The following GSG1L variants were observed in gnomAD, a reference collection of about 807,000 sequenced individuals.
The protein encoded by GSG1L is GSG1 like, also known as germ cell-specific gene 1-like protein.
GSG1L carries 24 observed loss-of-function variants against 42.1 expected under a neutral mutation model. The observed-to-expected ratio is 0.57, with a 90% CI of 0.41 to 0.80. The LOEUF (loss-of-function observed/expected upper bound fraction) is 0.80, where lower values mean the gene tolerates loss of function less well. Ranked by LOEUF, GSG1L falls within the 30% of genes least tolerant of loss-of-function variation. The pLI, the probability that GSG1L is intolerant of heterozygous loss-of-function variation, is 0.00. For synonymous variants in GSG1L, 215 were observed against 203.5 expected, an observed-to-expected ratio of 1.06 and a Z score of -0.48; for missense variants, 445 against 472.2, an observed-to-expected ratio of 0.94 and a Z score of 0.53.
intron 6 of GSG1L, among the ~76,000 whole-genome samples, chr16:27,806,208 T>C (rs943803786): frequency 2.6e-5 from 4 of 152,116 alleles, no homozygotes; most frequent in Non-Finnish European, 4.4e-5. Context: ...TGTGAGCCCA[T>C]GGTTCACTTC....
intron 2 of GSG1L, among the ~76,000 whole-genome samples, chr16:27,907,148 C>T (rs557120368): frequency 2.0e-5 from 3 of 152,290 alleles, no homozygotes; most frequent in South Asian, 2.1e-4. Flanking sequence ...GTTGAAGAGG[C>T]GGTCCCTTTC....
intron 1 of GSG1L, among the ~76,000 whole-genome samples, chr16:28,050,696 C>T (rs897143191): frequency 6.6e-6 from 1 of 152,238 alleles, no homozygotes; most frequent in Non-Finnish European, 1.5e-5. Context: ...TCAAAAGTCA[C>T]AAAGAGGTTA....
rs1050354828 is a variant in GSG1L, at chr16:28,059,779, C to T, written c.349+3297G>A. On this transcript the variant is annotated intron_variant, in intron 1 of 6. Transcript: ENST00000447459. The surrounding 1 kb of genome is among the most constrained non-coding windows in gnomAD (Gnocchi z 4.4). Reference sequence around the variant, plus strand: ...GGGGTGACTCTGTGTCGAGGCCACGCTTCCCTTTCTGTTTGTGGAAGGACG... The same window carrying T: ...GGGGTGACTCTGTGTCGAGGCCACGTTTCCCTTTCTGTTTGTGGAAGGACG... Among the ~76,000 whole-genome samples the T allele has an allele frequency of 6.6e-6, 1 of 152,198 alleles. No individual in the cohort carries two copies. The highest frequency in any genetic ancestry group is 2.4e-5 in the African/African-American group (1 of 41,446).
intron 3 of GSG1L, among the ~76,000 whole-genome samples, chr16:27,857,545 C>T (rs1187185877): frequency 1.3e-5 from 2 of 152,040 alleles, no homozygotes; most frequent in African/African-American, 4.8e-5. Context: ...GGTTCAAGAC[C>T]AGCCTGGGCA....
intron 2 of GSG1L, among the ~76,000 whole-genome samples, chr16:27,937,644 A>T (rs2084733752): frequency 6.6e-6 from 1 of 152,194 alleles, no homozygotes; most frequent in Non-Finnish European, 1.5e-5. Context: ...GACCAGGGCG[A>T]TGACTGGGGA....
At chr16:27,843,894 A>C (rs189814106) in intron 4 of GSG1L, among the ~76,000 whole-genome samples, 2 of 152,352 alleles carry the variant, frequency 1.3e-5, no homozygotes, top group African/African-American at 4.8e-5. Context: ...GACTCTAGTC[A>C]ATCTTGGAGA....
intron 2 of GSG1L, among the ~76,000 whole-genome samples, chr16:27,922,370 A>G (rs544415872): frequency 6.6e-6 from 1 of 152,344 alleles, no homozygotes; most frequent in East Asian, 1.9e-4. Flanking sequence ...GGATGACCAT[A>G]TAATTATGCC....
intron 1 of GSG1L, among the ~76,000 whole-genome samples, chr16:27,975,435 C>T (rs573135894): frequency 2.0e-5 from 3 of 152,218 alleles, no homozygotes; most frequent in South Asian, 2.1e-4. Context: ...CCTGCACCTG[C>T]GTTGCTTTTC....
intron 1 of GSG1L, among the ~76,000 whole-genome samples, chr16:28,047,967 C>T (rs1401348825): frequency 6.6e-6 from 1 of 151,508 alleles, no homozygotes; most frequent in Admixed American, 6.6e-5. Context: ...GCTTGTAATC[C>T]TAGCACTTTG....
intron 1 of GSG1L, among the ~76,000 whole-genome samples, chr16:27,980,224 G>A (rs1231822816): frequency 4.6e-5 from 7 of 152,162 alleles, no homozygotes; most frequent in East Asian, 1.9e-4. Flanking sequence ...GACATTGGGC[G>A]CCCAGGTCCT....
chr16:28,015,413 A>G (rs1454042607), intron 1 of GSG1L, among the ~76,000 whole-genome samples: 2 of 152,210 alleles, frequency 1.3e-5, no homozygotes, highest in East Asian at 3.9e-4. Context: ...GCTGAGGTGG[A>G]AGGATCACTT....
At chr16:27,997,314 T>C (rs1596685879) in intron 1 of GSG1L, among the ~76,000 whole-genome samples, 3 of 126,580 alleles carry the variant, frequency 2.4e-5, no homozygotes, top group African/African-American at 8.8e-5. Flanking sequence ...CTCCACTTTT[T>C]TTTTTTTTTT....
chr16:27,952,018 C>G (rs1458048552), intron 2 of GSG1L, among the ~76,000 whole-genome samples: 3 of 152,148 alleles, frequency 2.0e-5, no homozygotes. Flanking sequence ...TGGTGGCTGC[C>G]AGAAATCCCA....
chr16:27,994,852 C>A (rs2141138146), intron 1 of GSG1L, among the ~76,000 whole-genome samples: 1 of 152,322 alleles, frequency 6.6e-6, no homozygotes, highest in South Asian at 2.1e-4. Context: ...AACGGAGCAC[C>A]ATTCACATTG....
At chr16:27,851,826 C>T (rs949884201) in intron 3 of GSG1L, among the ~76,000 whole-genome samples, 6 of 152,170 alleles carry the variant, frequency 3.9e-5, no homozygotes, top group African/African-American at 1.4e-4. Context: ...ACCCGAGATG[C>T]CACGAATCAT....
At chr16:27,869,715 TTCTC>T (rs779226223) in intron 3 of GSG1L, among the ~76,000 whole-genome samples, 12 of 108,762 alleles carry the variant, frequency 1.1e-4, no homozygotes, top group African/African-American at 1.5e-4. Flanking sequence ...TTCTCTCTCC[TTCTC>T]TCTCTGTCTC....
rs1467923665 is a variant in GSG1L at position 28,063,015 on chromosome 16, C to A, written c.349+61G>T. The stretch of plus-strand genomic sequence containing the variant: ...GCGAACGGGTCCGGGGCTCGGGCCT[C>A]GATGGCCGCGCCGCCCCGGGGGAGC... On this transcript the variant is annotated intron_variant, in intron 1 of 6. Transcript: ENST00000447459. The surrounding 1 kb of genome is among the most constrained non-coding windows in gnomAD (Gnocchi z 5.8). 1.5e-6 allele frequency: 2 copies of A among 1,307,716 alleles called. No individual in the cohort carries two copies. The allele number at this position is 1,307,716 out of a possible 1,614,324, so 81.0% of individuals were successfully genotyped here.
intron 2 of GSG1L, among the ~76,000 whole-genome samples, chr16:27,893,377 G>C (rs1167746433): frequency 2.6e-5 from 4 of 152,170 alleles, no homozygotes; most frequent in Non-Finnish European, 5.9e-5. Context: ...GGTGGGAACT[G>C]TGTCTCGGCT....
chr16:28,039,445 C>T (rs2086079957), intron 1 of GSG1L, among the ~76,000 whole-genome samples: 1 of 152,078 alleles, frequency 6.6e-6, no homozygotes, highest in Non-Finnish European at 1.5e-5. Context: ...GATTGGCCCC[C>T]CACCCCCACA....
Sources: allele counts gnomAD v4.1 joint callset (sites outside exome capture counted in the v4.1 genomes callset), GRCh38; gene constraint gnomAD v4.1.1; non-coding constraint Gnocchi (gnomAD v3.1); transcripts MANE v1.5; gene names NCBI Gene and HGNC (gene_info 2026-07-23, HGNC 2026-07-21).